SEMA6D: variants seen among roughly 807,000 people sequenced by gnomAD.
The protein encoded by SEMA6D is semaphorin-6D.
In SEMA6D, 35 loss-of-function variants were observed where a neutral mutation model predicts 106.6. The observed-to-expected ratio is 0.33, with a 90% CI of 0.25 to 0.44. SEMA6D has a LOEUF of 0.44. SEMA6D is among the 20% of genes least tolerant of loss of function. The pLI, the probability that SEMA6D is intolerant of heterozygous loss-of-function variation, is 1.00. For missense variants in SEMA6D, 1,185 were observed against 1,345.9 expected, an observed-to-expected ratio of 0.88 and a Z score of 1.87; for synonymous variants, 499 against 487.7, an observed-to-expected ratio of 1.02 and a Z score of -0.31.
At chr15:47,207,492 A>C (rs1387925206) in intron 1 of SEMA6D, among the ~76,000 whole-genome samples, 1 of 152,226 alleles carries the variant, frequency 6.6e-6, no homozygotes, top group Non-Finnish European at 1.5e-5. Flanking sequence ...AGAAACCTAG[A>C]CAGTAAATAT....
chr15:47,426,240 A>G (rs2041333621), intron 2 of SEMA6D, among the ~76,000 whole-genome samples: 1 of 152,056 alleles, frequency 6.6e-6, no homozygotes. Flanking sequence ...CCTAGGTTCA[A>G]GCGATACTCT....
chr15:47,336,633 C>T (rs1033903008), intron 1 of SEMA6D, among the ~76,000 whole-genome samples: 3 of 152,100 alleles, frequency 2.0e-5, no homozygotes, highest in African/African-American at 7.2e-5. Flanking sequence ...ATAGGGACGG[C>T]AGTGTCCAGA....
intron 3 of SEMA6D, among the ~76,000 whole-genome samples, chr15:47,588,058 C>G (rs1325134452): frequency 6.6e-6 from 1 of 152,168 alleles, no homozygotes; most frequent in Admixed American, 6.5e-5. Flanking sequence ...AGAAATTCCC[C>G]TGACACTCAT....
intron 1 of SEMA6D, among the ~76,000 whole-genome samples, chr15:47,396,972 A>G (rs191148285): frequency 5.0e-4 from 76 of 152,260 alleles, no homozygotes; most frequent in African/African-American, 1.8e-3. Context: ...CTTACAAAAC[A>G]CAAGTTCAAA....
intron 1 of SEMA6D, among the ~76,000 whole-genome samples, chr15:47,332,688 G>A (rs1243503478): frequency 1.3e-5 from 2 of 152,152 alleles, no homozygotes; most frequent in Non-Finnish European, 2.9e-5. Context: ...GAGTGATATG[G>A]GTGAGAGAGG....
chr15:47,300,166 G>A (rs1026893151), intron 1 of SEMA6D, among the ~76,000 whole-genome samples: 1 of 152,168 alleles, frequency 6.6e-6, no homozygotes, highest in Non-Finnish European at 1.5e-5. Flanking sequence ...CCGCAGCTCA[G>A]CTGCTGTGCT....
Position 47,501,977 on chromosome 15 carries a change from T to A in SEMA6D, c.-87+31432T>A, listed in dbSNP as rs536590004. Among the ~76,000 whole-genome samples the A allele has an allele frequency of 2.0e-5, 3 of 152,240 alleles. No homozygotes were observed. In the South Asian group the frequency reaches 6.2e-4, roughly 32 times the overall value. On this transcript the variant is annotated intron_variant, in intron 3 of 19. Transcript: ENST00000558014. ...TTTGCATTGCCTCCTTGGTTATCAA[T>A]TATTCAGGTTCAGAGACCAGAAGGT... is the stretch of plus-strand genomic sequence containing the variant.
intron 3 of SEMA6D, among the ~76,000 whole-genome samples, chr15:47,760,727 A>G (rs1251373209): frequency 6.6e-6 from 1 of 152,162 alleles, no homozygotes; most frequent in African/African-American, 2.4e-5. Flanking sequence ...TATTAGAAAT[A>G]TGTCTATGCT....
Position 47,768,703 on chromosome 15 carries a change from C to G in SEMA6D, c.1888C>G (p.Pro630Ala). 1 of 1,613,484 alleles carries G rather than the reference C, an allele frequency of 6.2e-7. No individual in the cohort carries two copies. Among genetic ancestry groups the G allele is most frequent in the Non-Finnish European group, 8.5e-7 (1 of 1,179,584 alleles). ...SSRKFVVQDD[P>A]NTSDFTDPLS... ...TCGGAAATTTGTAGTTCAAGATGATCCAAACACTTCTGATTTTACTGATCC... is the reference window on the plus strand; with the variant it reads ...TCGGAAATTTGTAGTTCAAGATGATGCAAACACTTCTGATTTTACTGATCC... Residue 630 changes from proline (P) to alanine (A), a missense_variant, in exon 18 of 19, where the codon CCA becomes GCA. Pro to Ala is a conservative substitution (Grantham distance 27). Around this residue, in one of 3 missense-constraint regions of SEMA6D, gnomAD observed 750 missense variants for 783.5 expected, o/e 0.96. Coordinates refer to ENST00000536845, the MANE Select transcript of SEMA6D (RefSeq NM_001358351.3).
At chr15:47,705,899 A>G (rs1008730009) in intron 4 of SEMA6D, among the ~76,000 whole-genome samples, 1 of 152,228 alleles carries the variant, frequency 6.6e-6, no homozygotes, top group African/African-American at 2.4e-5. Flanking sequence ...ATGGCTTCCA[A>G]TCAAGGGCAG....
intron 1 of SEMA6D, among the ~76,000 whole-genome samples, chr15:47,740,875 G>A (rs905606801): frequency 2.0e-5 from 3 of 152,124 alleles, no homozygotes; most frequent in African/African-American, 7.2e-5. Flanking sequence ...GTCAAAGATA[G>A]GTAGGAGGAA....
chr15:47,552,833 TATATATATAA>T lies in SEMA6D; in HGVS notation c.-86-48012_-86-48003del, dbSNP rs1329606483. Among the ~76,000 whole-genome samples, 7 of 80,148 alleles carry T rather than the reference TATATATATAA, an allele frequency of 8.7e-5. 1 individual carries two copies. In the East Asian group the frequency reaches 2.2e-3, roughly 25 times the overall value. The allele number at this position is 80,148 out of a possible 152,430, so 52.6% of individuals were successfully genotyped here. Reference sequence around the variant, plus strand: ...ATATATATAAATATATATATTTTTATATATATATAAATATATATAAATATATATATATTTT... The same window carrying T: ...ATATATATAAATATATATATTTTTATATATATATAAATATATATATATTTT... On this transcript the variant is annotated intron_variant, in intron 3 of 19. Coordinates refer to the SEMA6D transcript ENST00000558014.
intron 3 of SEMA6D, among the ~76,000 whole-genome samples, chr15:47,472,200 G>C (rs111535518): frequency 0.016 from 2,365 of 152,214 alleles, 45 homozygotes; most frequent in African/African-American, 0.036. Context: ...AGTGCTGCCG[G>C]ATTAGACACT....
Position 47,414,095 on chromosome 15 carries a change from G to C in SEMA6D, c.-159+1623G>C, listed in dbSNP as rs1390514674. Among the ~76,000 whole-genome samples, 6 of 152,106 alleles carry C rather than the reference G, an allele frequency of 3.9e-5. No individual in the cohort carries two copies. In the South Asian group the frequency reaches 6.2e-4, roughly 16 times the overall value. On this transcript the variant is annotated intron_variant, in intron 2 of 19. Coordinates refer to the SEMA6D transcript ENST00000558014. ...ACAATGGAAGAATGATTGTAAAATA[G>C]CTTGGAAGATGCATTACCTAAACTG...
chr15:47,618,280 A>G (rs890673588), intron 4 of SEMA6D, among the ~76,000 whole-genome samples: 4 of 152,242 alleles, frequency 2.6e-5, no homozygotes, highest in African/African-American at 9.6e-5. Flanking sequence ...CAGCTCATTT[A>G]TTTGAAAAAC....
chr15:47,229,809 A>G (rs139938320), intron 1 of SEMA6D, among the ~76,000 whole-genome samples: 1 of 152,164 alleles, frequency 6.6e-6, no homozygotes, highest in African/African-American at 2.4e-5. Flanking sequence ...AATATGTTCT[A>G]TGCTTGTATC....
intron 3 of SEMA6D, among the ~76,000 whole-genome samples, chr15:47,489,908 T>C (rs2043419464): frequency 6.6e-6 from 1 of 152,118 alleles, no homozygotes; most frequent in Non-Finnish European, 1.5e-5. Flanking sequence ...TGCTTCGGCC[T>C]CCCAAAGTGC....
intron 4 of SEMA6D, among the ~76,000 whole-genome samples, chr15:47,666,635 C>G (rs1369172610): frequency 6.6e-6 from 1 of 152,144 alleles, no homozygotes; most frequent in Non-Finnish European, 1.5e-5. Context: ...TTTCTGTGTT[C>G]TTACAGAATT....
chr15:47,548,566 T>G (rs920488958), intron 3 of SEMA6D, among the ~76,000 whole-genome samples: 3 of 152,136 alleles, frequency 2.0e-5, no homozygotes, highest in Admixed American at 6.6e-5. Flanking sequence ...CATTTGGACC[T>G]TCTTCAAAGC....
Sources: gnomAD v4.1 joint callset for allele counts (sites outside exome capture counted in the v4.1 genomes callset) on GRCh38, gnomAD v4.1.1 for gene constraint, gnomAD v4.1.1 regional missense constraint, MANE v1.5 for transcripts, NCBI Gene and HGNC (gene_info 2026-07-23, HGNC 2026-07-21) for gene names.